Variants in PRDM11 observed in about 807,000 individuals in gnomAD.
The protein encoded by PRDM11 is PR domain-containing protein 11.
In PRDM11, 20 loss-of-function variants were observed where a neutral mutation model predicts 97.8. The ratio of observed to expected loss-of-function variants is 0.20; its 90% CI spans 0.14 to 0.30. The LOEUF is 0.30. Ranked by LOEUF, PRDM11 falls within the 10% of genes least tolerant of loss-of-function variation. The probability of loss-of-function intolerance (pLI) is 1.00; values close to 1 mark genes in which losing one functional copy is unlikely to be tolerated. For missense variants in PRDM11, 1,139 were observed against 1,555.2 expected (o/e 0.73, Z 4.50); for synonymous variants, 599 against 637.7 (o/e 0.94, Z 0.91).
upstream of PRDM11, among the ~76,000 whole-genome samples, chr11:45,146,348 G>T (rs1019283042): frequency 4.6e-5 from 7 of 152,208 alleles, no homozygotes; most frequent in Admixed American, 3.9e-4. Context: ...TAAAATTTGA[G>T]AACTTTTACT....
intron 4 of PRDM11, among the ~76,000 whole-genome samples, chr11:45,201,733 C>T (rs560211566): frequency 1.3e-5 from 2 of 152,078 alleles, no homozygotes; most frequent in East Asian, 1.9e-4. Context: ...TTTGGGAGGC[C>T]GAGGTGGGCG....
chr11:45,141,654 C>G (rs1851405951), upstream of PRDM11, among the ~76,000 whole-genome samples: 1 of 152,142 alleles, frequency 6.6e-6, no homozygotes. Flanking sequence ...CCCAACCTGA[C>G]CAACAGATGC....
intron 1 of PRDM11, 38 bp downstream of exon 1, chr11:45,146,915 T>G (rs1347075203): frequency 1.4e-5 from 2 of 145,600 alleles, no homozygotes; most frequent in African/African-American, 4.9e-5. Context: ...CCATTGAAAA[T>G]GGCTTCGGAG....
chr11:45,227,241 C>A lies in PRDM11; in HGVS notation c.2616C>A (p.Leu872=), dbSNP rs1228066915. Residue 872 remains leucine, a synonymous_variant, in exon 8 of 8, where the codon CTC becomes CTA. Coordinates refer to ENST00000683152, the MANE Select transcript of PRDM11 (RefSeq NM_001384648.1). The surrounding 1 kb of genome is among the most constrained non-coding windows in gnomAD (Gnocchi z 8.0). ...TCGCACTGGCCCTGCTGCAGTTCCT[C>A]ATGGACTACCAGTCCATCAAGCTCA... ...SAIALALLQF[L]MDYQSIKLIY... is the part of the protein sequence containing the mutation. The A allele has an allele frequency of 6.5e-7, 1 of 1,533,992 alleles. No homozygotes were observed. Among genetic ancestry groups the A allele is most frequent in the East Asian group, 2.4e-5 (1 of 40,912 alleles).
intron 1 of PRDM11, among the ~76,000 whole-genome samples, chr11:45,113,822 G>T (rs55862832): frequency 0.035 from 2,470 of 71,398 alleles, 85 homozygotes; most frequent in Admixed American, 0.075. Context: ...GTGTGTGTGT[G>T]TGTTTTGTTT....
intron 1 of PRDM11, chr11:45,147,467 G>C (rs1393904430): frequency 6.6e-6 from 1 of 152,278 alleles, no homozygotes; most frequent in East Asian, 1.9e-4. Context: ...TGCCCGCGAA[G>C]CGTGGCCGAG....
At chr11:45,154,336 A>G (rs889245339) in intron 1 of PRDM11, among the ~76,000 whole-genome samples, 3 of 152,154 alleles carry the variant, frequency 2.0e-5, no homozygotes, top group African/African-American at 7.2e-5. Flanking sequence ...TGCCTGGGAG[A>G]CAGAGTGAGA....
At chr11:45,198,477 T>G (rs1853210670) in intron 4 of PRDM11, among the ~76,000 whole-genome samples, 1 of 152,230 alleles carries the variant, frequency 6.6e-6, no homozygotes, top group Non-Finnish European at 1.5e-5. Flanking sequence ...TTGTAACTAC[T>G]TTGCTCTATG....
chr11:45,212,562 C>A (rs1328032023), intron 5 of PRDM11: 1 of 456,252 alleles, frequency 2.2e-6, no homozygotes, highest in Non-Finnish European at 4.4e-6. Context: ...CTGGCCAGGC[C>A]CGCCCTGCTC....
intron 1 of PRDM11, among the ~76,000 whole-genome samples, chr11:45,117,911 AAGGCCAACATTAAC>A (rs1852339245): frequency 6.6e-6 from 1 of 152,242 alleles, no homozygotes; most frequent in Non-Finnish European, 1.5e-5. Flanking sequence ...CCAGGTCTCT[AAGGCCAACATTAAC>A]AGTTATAGAT....
chr11:45,226,352 G>T lies in PRDM11; in HGVS notation c.1727G>T (p.Arg576Leu). 1.3e-6 allele frequency: 2 copies of T among 1,533,960 alleles called. No individual in the cohort carries two copies. Among genetic ancestry groups the T allele is most frequent in the Non-Finnish European group, 1.7e-6 (2 of 1,146,754 alleles). ...AAGTGCCTGCAACTGTACAAGCTCC[G>T]CATGCACCCGGAGAAGACAGAGGAG... The part of the protein sequence containing the change: ...HKKCLQLYKL[R>L]MHPEKTEEMC... Residue 576 changes from arginine (R) to leucine (L), a missense_variant, in exon 8 of 8, where the codon CGC (arginine) becomes CTC (leucine). Arg to Leu is a moderately radical substitution (Grantham distance 102). Around this residue, in one of 2 missense-constraint regions of PRDM11, gnomAD observed 710 missense variants for 1,044.9 expected, o/e 0.68. Transcript: ENST00000683152.
chr11:45,194,691 C>T (rs1358177349), intron 4 of PRDM11, among the ~76,000 whole-genome samples: 88 of 145,860 alleles, frequency 6.0e-4, no homozygotes, highest in African/African-American at 2.1e-3. Context: ...CTCCGCCTCC[C>T]GGGTTCACGC....
intron 1 of PRDM11, among the ~76,000 whole-genome samples, chr11:45,129,405 C>G (rs1229140798): frequency 1.3e-5 from 2 of 152,042 alleles, no homozygotes; most frequent in African/African-American, 4.8e-5. Flanking sequence ...TCAAAAGGGT[C>G]TATAAACAAA....
chr11:45,199,601 T>C (rs1456248870), intron 4 of PRDM11, among the ~76,000 whole-genome samples: 1 of 152,172 alleles, frequency 6.6e-6, no homozygotes, highest in Non-Finnish European at 1.5e-5. Flanking sequence ...TGGTCCAAAG[T>C]GCTGAGTTCA....
chr11:45,145,091 T>G (rs949631135), upstream of PRDM11, among the ~76,000 whole-genome samples: 1 of 152,036 alleles, frequency 6.6e-6, no homozygotes, highest in African/African-American at 2.4e-5. Context: ...GGGTTGTTAC[T>G]GTCTCTTGAG....
intron 3 of PRDM11, 142 bp from the exon 4 acceptor site, chr11:45,182,719 T>C: frequency 9.8e-7 from 1 of 1,024,504 alleles, no homozygotes; most frequent in Non-Finnish European, 1.4e-6. Context: ...CCAGGGAGAG[T>C]ATGGGTTATT....
intron 1 of PRDM11, among the ~76,000 whole-genome samples, chr11:45,101,572 AGAAGAAGAAG>A (rs1851981150): frequency 1.6e-5 from 2 of 124,170 alleles, no homozygotes; most frequent in Middle Eastern, 4.1e-3. Context: ...AAAAAAAAGA[AGAAGAAGAAG>A]AAGAAGAAGA....
At position 45,224,441 on chromosome 11, in the gene PRDM11, T is replaced by G; in HGVS notation, c.967T>G (p.Leu323Val). Residue 323 changes from leucine to valine, a missense_variant, in exon 7 of 8, where the codon TTG becomes GTG. Physicochemically the swap from Leu to Val is conservative, Grantham distance 32 (BLOSUM62 1). Around this residue, in one of 2 missense-constraint regions of PRDM11, gnomAD observed 429 missense variants for 510.3 expected, o/e 0.84. Coordinates refer to ENST00000683152, the MANE Select transcript of PRDM11 (RefSeq NM_001384648.1). ...ATCTGCGAAGGTGGAAGCCCACCAG[T>G]TGGCCCTGAGCACCTCACTGGTCAT... ...LESAKVEAHQ[L>V]ALSTSLVIRK... is the part of the protein sequence containing the mutation. 2 of 1,614,184 alleles carry G rather than the reference T, an allele frequency of 1.2e-6. No homozygotes were observed. The highest frequency in any genetic ancestry group is 1.7e-6 in the Non-Finnish European group (2 of 1,180,040).
chr11:45,176,733 G>A (rs1311070400), intron 1 of PRDM11, among the ~76,000 whole-genome samples: 3 of 152,192 alleles, frequency 2.0e-5, no homozygotes, highest in Non-Finnish European at 2.9e-5. Context: ...TCTTATACAT[G>A]TAAGTTTAAG....
Sources: gnomAD v4.1 joint callset for allele counts (sites outside exome capture counted in the v4.1 genomes callset) on GRCh38, gnomAD v4.1.1 for gene constraint, gnomAD v4.1.1 regional missense constraint, Gnocchi (gnomAD v3.1) non-coding constraint, MANE v1.5 for transcripts, NCBI Gene and HGNC (gene_info 2026-07-23, HGNC 2026-07-21) for gene names.